The following LCLAT1 variants were observed in gnomAD, a reference collection of about 807,000 sequenced individuals.
LCLAT1 encodes the protein lysocardiolipin acyltransferase 1, also known as 1-AGP acyltransferase 8.
LCLAT1 carries 11 observed loss-of-function variants against 30.7 expected under a neutral mutation model. The ratio of observed to expected loss-of-function variants is 0.36; its 90% CI spans 0.23 to 0.59. LCLAT1 has a LOEUF of 0.59. Among genes scored for constraint, LCLAT1 ranks in the 20% least tolerant of loss-of-function variants. The probability of loss-of-function intolerance (pLI) is 0.77; values close to 1 mark genes in which losing one functional copy is unlikely to be tolerated. For synonymous variants in LCLAT1, 155 were observed against 151.3 expected (o/e 1.02, Z -0.18); for missense variants, 402 against 458.6 (o/e 0.88, Z 1.13).
chr2:30,590,594 G>T (rs761873078), intron 5 of LCLAT1, among the ~76,000 whole-genome samples: 9 of 150,108 alleles, frequency 6.0e-5, no homozygotes, highest in African/African-American at 2.2e-4. Context: ...CAGGGAGGAC[G>T]GAAATGAAGA....
At chr2:30,619,300 T>G (rs894882089) in intron 5 of LCLAT1, among the ~76,000 whole-genome samples, 2 of 152,186 alleles carry the variant, frequency 1.3e-5, no homozygotes, top group East Asian at 3.9e-4. Context: ...AAGATGGTAA[T>G]ATGAAACTTA....
At chr2:30,577,733 T>C (rs1039558998) in intron 5 of LCLAT1, among the ~76,000 whole-genome samples, 7 of 152,094 alleles carry the variant, frequency 4.6e-5, no homozygotes, top group Admixed American at 3.3e-4. Flanking sequence ...TATTTTTCCT[T>C]GGGGAAAAAA....
intron 5 of LCLAT1, 128 bp from the exon 6 acceptor site, chr2:30,639,989 C>T: frequency 1.4e-6 from 1 of 705,890 alleles, no homozygotes; most frequent in East Asian, 2.5e-5. Flanking sequence ...ATCTCTAACC[C>T]TTGTTTGTTC....
At chr2:30,631,050 C>T (rs1668744457) in intron 5 of LCLAT1, among the ~76,000 whole-genome samples, 1 of 152,158 alleles carries the variant, frequency 6.6e-6, no homozygotes, top group South Asian at 2.1e-4. Context: ...TACTTATAGC[C>T]AAAAACCTGA....
chr2:30,541,595 C>T (rs1351837769), intron 3 of LCLAT1, among the ~76,000 whole-genome samples: 4 of 152,136 alleles, frequency 2.6e-5, no homozygotes, highest in African/African-American at 7.2e-5. Flanking sequence ...CTGTTCTCTT[C>T]TGTTGATCTA....
At chr2:30,639,159 C>T (rs1558574023) in intron 5 of LCLAT1, among the ~76,000 whole-genome samples, 1 of 152,204 alleles carries the variant, frequency 6.6e-6, no homozygotes, top group Non-Finnish European at 1.5e-5. Flanking sequence ...GGCTCCTGCC[C>T]ACTTTTAGTG....
At chr2:30,565,689 T>G (rs2148446090) in intron 4 of LCLAT1, among the ~76,000 whole-genome samples, 1 of 152,312 alleles carries the variant, frequency 6.6e-6, no homozygotes. Flanking sequence ...TCACGAAGTT[T>G]ACGTTCTGTG....
At chr2:30,557,281 ATCGTGT>A (rs1664965712) in intron 3 of LCLAT1, among the ~76,000 whole-genome samples, 1 of 112,660 alleles carries the variant, frequency 8.9e-6, no homozygotes, top group African/African-American at 5.0e-5. Flanking sequence ...AGAAGGTATG[ATCGTGT>A]GTGTGTGTGT....
chr2:30,616,698 A>T (rs1668007937), intron 5 of LCLAT1, among the ~76,000 whole-genome samples: 1 of 152,186 alleles, frequency 6.6e-6, no homozygotes, highest in South Asian at 2.1e-4. Flanking sequence ...ACTTAAAGTG[A>T]TCCCTTAATT....
intron 2 of LCLAT1, among the ~76,000 whole-genome samples, chr2:30,529,909 C>G (rs1404103788): frequency 3.9e-5 from 6 of 152,142 alleles, no homozygotes; most frequent in African/African-American, 1.4e-4. Flanking sequence ...GTTGTTATTA[C>G]CTCAGACTAA....
chr2:30,619,196 A>T (rs565587190), intron 5 of LCLAT1, among the ~76,000 whole-genome samples: 1 of 152,292 alleles, frequency 6.6e-6, no homozygotes, highest in African/African-American at 2.4e-5. Flanking sequence ...TTATACATTA[A>T]CCTTGTATCT....
At chr2:30,541,666 A>G (rs184707735) in intron 3 of LCLAT1, among the ~76,000 whole-genome samples, 48 of 152,290 alleles carry the variant, frequency 3.2e-4, no homozygotes, top group Admixed American at 7.8e-4. Context: ...TTAATGTATT[A>G]CTTACATTCA....
At chr2:30,452,797 G>A (rs1226112077) in intron 1 of LCLAT1, among the ~76,000 whole-genome samples, 3 of 152,014 alleles carry the variant, frequency 2.0e-5, no homozygotes, top group South Asian at 2.1e-4. Context: ...AAAAGCTTTC[G>A]GTGTGTTTCC....
chr2:30,543,254 A>G (rs1465322141), intron 3 of LCLAT1, among the ~76,000 whole-genome samples: 4 of 152,110 alleles, frequency 2.6e-5, no homozygotes, highest in Admixed American at 2.6e-4. Flanking sequence ...TTCTATTAAT[A>G]TGTTAAATTG....
At chr2:30,618,407 C>G (rs572742821) in intron 5 of LCLAT1, among the ~76,000 whole-genome samples, 9 of 152,058 alleles carry the variant, frequency 5.9e-5, no homozygotes, top group African/African-American at 2.2e-4. Flanking sequence ...GTATATCTCC[C>G]ATTTATATGG....
chr2:30,531,157 C>T (rs1408017608), intron 2 of LCLAT1, among the ~76,000 whole-genome samples: 3 of 151,920 alleles, frequency 2.0e-5, no homozygotes, highest in South Asian at 2.1e-4. Context: ...TCCAGCTACT[C>T]GGGAGGCTGA....
intron 1 of LCLAT1, among the ~76,000 whole-genome samples, chr2:30,471,763 C>T (rs551819802): frequency 6.6e-6 from 1 of 151,898 alleles, no homozygotes; most frequent in Non-Finnish European, 1.5e-5. Flanking sequence ...TTTATTAGCT[C>T]TAGTAGTATT....
intron 1 of LCLAT1, among the ~76,000 whole-genome samples, chr2:30,468,889 A>G (rs976270957): frequency 2.0e-5 from 3 of 152,194 alleles, no homozygotes; most frequent in Non-Finnish European, 4.4e-5. Context: ...GAGGGTTGCA[A>G]ATTTTCTGCA....
intron 2 of LCLAT1, among the ~76,000 whole-genome samples, chr2:30,532,474 G>T (rs1165119986): frequency 6.7e-6 from 1 of 150,164 alleles, no homozygotes; most frequent in East Asian, 2.0e-4. Flanking sequence ...GAACTCATAA[G>T]TCTATAATAT....
Sources: allele counts gnomAD v4.1 joint callset (sites outside exome capture counted in the v4.1 genomes callset), GRCh38; gene constraint gnomAD v4.1.1; transcripts MANE v1.5; gene names NCBI Gene and HGNC (gene_info 2026-07-23, HGNC 2026-07-21).